Variants in PDZRN4 observed in about 807,000 individuals in gnomAD.
PDZRN4 encodes the protein PDZ domain-containing RING finger protein 4.
Under a neutral mutation model 99.0 loss-of-function variants are expected in PDZRN4, and 70 were observed. The observed-to-expected ratio is 0.71, with a 90% CI of 0.58 to 0.86. The LOEUF is 0.86. Ranked by LOEUF, PDZRN4 falls within the 40% of genes least tolerant of loss-of-function variation. The pLI is 0.00. For missense variants in PDZRN4, 1,474 were observed against 1,331.2 expected (o/e 1.11, Z -1.67); for synonymous variants, 551 against 501.6 (o/e 1.10, Z -1.32).
intron 3 of PDZRN4, among the ~76,000 whole-genome samples, chr12:41,361,985 C>T (rs1422206834): frequency 6.6e-6 from 1 of 151,982 alleles, no homozygotes; most frequent in Non-Finnish European, 1.5e-5. Context: ...ATTATCAGAA[C>T]CAGCTGTGTG....
chr12:41,563,751 A>G (rs961416009), intron 8 of PDZRN4, 102 bp downstream of exon 8: 3 of 798,404 alleles, frequency 3.8e-6, no homozygotes, highest in Admixed American at 2.4e-5. Context: ...GCTATTCTCT[A>G]TCAAATCATT....
At chr12:41,315,445 A>C (rs1279373832) in intron 3 of PDZRN4, among the ~76,000 whole-genome samples, 2 of 152,280 alleles carry the variant, frequency 1.3e-5, no homozygotes, top group African/African-American at 4.8e-5. Context: ...AAGGTATGAG[A>C]GCACATAAAC....
chr12:41,422,568 G>A lies in PDZRN4; in HGVS notation c.844-83888G>A, dbSNP rs559344585. Among the ~76,000 whole-genome samples the A allele has an allele frequency of 4.2e-4, 64 of 152,232 alleles. No homozygotes were observed. The South Asian group carries it at 0.013, about 31-fold the overall frequency. On this transcript the variant is annotated intron_variant, in intron 3 of 9. Transcript: ENST00000402685. ...ACATTGGAAGGTGAAGGGGAAGCAA[G>A]GACCTTCTTCACATGGTGACAGGAG...
intron 4 of PDZRN4, among the ~76,000 whole-genome samples, chr12:41,508,038 C>T (rs1938238249): frequency 6.6e-6 from 1 of 152,150 alleles, no homozygotes; most frequent in Non-Finnish European, 1.5e-5. Context: ...TATTAGCTAA[C>T]TTAACATGCT....
chr12:41,339,685 T>C (rs775741200), intron 3 of PDZRN4, among the ~76,000 whole-genome samples: 15 of 151,932 alleles, frequency 9.9e-5, no homozygotes, highest in African/African-American at 2.2e-4. Flanking sequence ...TGACAAGGAA[T>C]TAATAGGCAG....
intron 3 of PDZRN4, among the ~76,000 whole-genome samples, chr12:41,384,575 A>T (rs1952152604): frequency 6.6e-6 from 1 of 152,146 alleles, no homozygotes; most frequent in African/African-American, 2.4e-5. Flanking sequence ...CGCTCTTGGA[A>T]TGGGTTACTT....
chr12:41,309,769 T>TA (rs566635797), intron 3 of PDZRN4, among the ~76,000 whole-genome samples: 185 of 152,094 alleles, frequency 1.2e-3, no homozygotes, highest in African/African-American at 4.1e-3. Context: ...TGAATAACGG[T>TA]AAAAAAATAT....
intron 3 of PDZRN4, among the ~76,000 whole-genome samples, chr12:41,456,021 T>G (rs745387449): frequency 6.6e-6 from 1 of 152,234 alleles, no homozygotes; most frequent in Non-Finnish European, 1.5e-5. Context: ...TTCAGCATTA[T>G]CTCTCCTTTC....
chr12:41,346,132 C>T (rs992413102), intron 3 of PDZRN4, among the ~76,000 whole-genome samples: 19 of 152,066 alleles, frequency 1.2e-4, no homozygotes, highest in Non-Finnish European at 2.8e-4. Context: ...AGATCTTGTG[C>T]GCATCCCCTG....
chr12:41,557,148 C>CAAAAAAAAA (rs112787721), intron 7 of PDZRN4, among the ~76,000 whole-genome samples: 2 of 58,036 alleles, frequency 3.4e-5, no homozygotes, highest in Non-Finnish European at 4.6e-5. Context: ...GAGACACTCT[C>CAAAAAAAAA]AAAAAAAAAA....
At chr12:41,346,258 C>G (rs1289895375) in intron 3 of PDZRN4, among the ~76,000 whole-genome samples, 2 of 152,056 alleles carry the variant, frequency 1.3e-5, no homozygotes, top group Non-Finnish European at 2.9e-5. Flanking sequence ...GTCAGGAGAT[C>G]GAGACCATTC....
intron 3 of PDZRN4, among the ~76,000 whole-genome samples, chr12:41,486,918 A>G (rs1438452384): frequency 1.3e-5 from 2 of 152,024 alleles, no homozygotes; most frequent in African/African-American, 2.4e-5. Context: ...TTCTCTCCTT[A>G]GGTTCCAGCT....
At chr12:41,273,485 T>C (rs1246883903) in intron 3 of PDZRN4, among the ~76,000 whole-genome samples, 3 of 152,056 alleles carry the variant, frequency 2.0e-5, no homozygotes, top group Non-Finnish European at 4.4e-5. Context: ...TATAGCGTGA[T>C]AGAAACTACA....
intron 3 of PDZRN4, among the ~76,000 whole-genome samples, chr12:41,408,630 G>A (rs1054068654): frequency 4.6e-5 from 7 of 152,150 alleles, no homozygotes; most frequent in African/African-American, 1.4e-4. Flanking sequence ...TGAAGACTTT[G>A]GAAATCGGAA....
At chr12:41,215,865 T>A (rs1950917711) in intron 3 of PDZRN4, among the ~76,000 whole-genome samples, 1 of 149,694 alleles carries the variant, frequency 6.7e-6, no homozygotes, top group African/African-American at 2.5e-5. Flanking sequence ...TTTTTTTTAA[T>A]CTGTCATTGA....
At chr12:41,395,026 C>T (rs1233358109) in intron 3 of PDZRN4, among the ~76,000 whole-genome samples, 1 of 152,104 alleles carries the variant, frequency 6.6e-6, no homozygotes, top group African/African-American at 2.4e-5. Context: ...CACTGCAGTT[C>T]ACTTTCTTAT....
At chr12:41,386,208 T>C (rs1237689681) in intron 3 of PDZRN4, among the ~76,000 whole-genome samples, 1 of 152,144 alleles carries the variant, frequency 6.6e-6, no homozygotes. Flanking sequence ...ACCAACATCA[T>C]ACTGAATGGG....
At position 41,486,242 on chromosome 12, in the gene PDZRN4, G is replaced by A. The variant is rs11180952; in HGVS notation, c.844-20214G>A. The stretch of plus-strand genomic sequence containing the variant: ...TGAAAAAAATAAATATGGGAGTCCC[G>A]TTTTGTTAAATCCAATGTTTGAGAT... On this transcript the variant is annotated intron_variant, in intron 3 of 9. Transcript: ENST00000402685. Among the ~76,000 whole-genome samples, 820 of 152,198 alleles carry A rather than the reference G, an allele frequency of 5.4e-3. 41 individuals are homozygous for A. The East Asian group carries it at 0.13, about 23-fold the overall frequency.
chr12:41,502,104 G>A (rs532863703), intron 3 of PDZRN4, among the ~76,000 whole-genome samples: 51 of 151,978 alleles, frequency 3.4e-4, no homozygotes, highest in African/African-American at 1.1e-3. Context: ...ATAACCTCTC[G>A]TTGCATAATG....
Sources: allele counts gnomAD v4.1 joint callset (sites outside exome capture counted in the v4.1 genomes callset), GRCh38; gene constraint gnomAD v4.1.1; transcripts MANE v1.5; gene names NCBI Gene and HGNC (gene_info 2026-07-23, HGNC 2026-07-21).